AKR1E2: variants seen among roughly 807,000 people sequenced by gnomAD.
AKR1E2 encodes the protein 1,5-anhydro-D-fructose reductase.
A neutral mutation model predicts 41.9 loss-of-function variants in AKR1E2; 43 were observed. That is an observed-to-expected ratio of 1.03 (90% CI 0.80 to 1.32). The LOEUF (loss-of-function observed/expected upper bound fraction) is 1.32, where lower values mean the gene tolerates loss of function less well. AKR1E2 is among the 40% of genes most tolerant of loss of function. The pLI is 0.00. For synonymous variants in AKR1E2, 121 were observed against 138.9 expected, an observed-to-expected ratio of 0.87 and a Z score of 0.91; for missense variants, 423 against 396.5, an observed-to-expected ratio of 1.07 and a Z score of -0.57.
intron 8 of AKR1E2, chr10:4,845,867 C>G (rs557984890): frequency 8.5e-6 from 4 of 470,378 alleles, no homozygotes; most frequent in African/African-American, 4.0e-5. Flanking sequence ...CCGAAGTGAT[C>G]TGATGGCTGA....
intron 8 of AKR1E2, among the ~76,000 whole-genome samples, chr10:4,842,823 G>A (rs911225548): frequency 3.3e-5 from 5 of 152,186 alleles, no homozygotes; most frequent in Admixed American, 6.5e-5. Flanking sequence ...GGCTGCGCTC[G>A]CCCACAGGGG....
intron 1 of AKR1E2, among the ~76,000 whole-genome samples, chr10:4,828,062 A>G (rs1368252847): frequency 1.3e-5 from 2 of 152,186 alleles, no homozygotes; most frequent in Admixed American, 1.3e-4. Context: ...TCTATTTTTA[A>G]TAGTGAATAA....
intron 4 of AKR1E2, among the ~76,000 whole-genome samples, chr10:4,836,605 C>T (rs1833445590): frequency 6.6e-6 from 1 of 152,146 alleles, no homozygotes; most frequent in Non-Finnish European, 1.5e-5. Flanking sequence ...CCAGAGGGAA[C>T]CCTCGGACAG....
At position 4,847,013 on chromosome 10, in the gene AKR1E2, C is replaced by G. The variant is rs1003493897; in HGVS notation, c.838-135C>G. 7.4e-5 allele frequency: 69 copies of G among 929,958 alleles called. No homozygotes were observed. In the East Asian group the frequency reaches 9.4e-4, roughly 13 times the overall value. 57.6% of individuals were successfully genotyped at this position (929,958 alleles called of 1,614,324 possible). A position where few individuals can be genotyped will look rare whatever the true frequency, so the allele number is the denominator to read the frequency against. ...ATCCAGGCTGTGATTCAGGGAAGTTCCAAGTGTCTGATGAAGTGTTTGTTT... is the reference window on the plus strand; with the variant it reads ...ATCCAGGCTGTGATTCAGGGAAGTTGCAAGTGTCTGATGAAGTGTTTGTTT... On this transcript the variant is annotated intron_variant, in intron 8 of 9. Coordinates refer to ENST00000298375, the MANE Select transcript of AKR1E2 (RefSeq NM_001040177.3).
chr10:4,868,715 A>G, the AKR1E2 span, among the ~76,000 whole-genome samples: 1 of 152,198 alleles, frequency 6.6e-6, no homozygotes, highest in African/African-American at 2.4e-5. Context: ...GTTATCCTGT[A>G]GTCCTATTTT....
At chr10:4,846,102 A>C in intron 8 of AKR1E2, 2 of 308,198 alleles carry the variant, frequency 6.5e-6, no homozygotes, top group Non-Finnish European at 1.3e-5. Context: ...TTCCCCTTAA[A>C]CCCAAGAATC....
At chr10:4,860,036 A>G in the AKR1E2 span, among the ~76,000 whole-genome samples, 3 of 152,142 alleles carry the variant, frequency 2.0e-5, no homozygotes, top group Non-Finnish European at 2.9e-5. Context: ...GTGTCTGTCT[A>G]TCTATTGTCA....
chr10:4,836,787 C>T (rs1436475090), intron 4 of AKR1E2, among the ~76,000 whole-genome samples: 5 of 152,134 alleles, frequency 3.3e-5, no homozygotes, highest in Admixed American at 6.5e-5. Flanking sequence ...AGCGAGGTTC[C>T]GGTGATTGTT....
downstream of AKR1E2, among the ~76,000 whole-genome samples, chr10:4,849,758 G>A (rs573432559): frequency 2.0e-5 from 3 of 152,298 alleles, no homozygotes; most frequent in South Asian, 6.2e-4. Context: ...GGCCAATGAG[G>A]ATCCACTACG....
chr10:4,864,387 A>G, the AKR1E2 span, among the ~76,000 whole-genome samples: 10 of 152,172 alleles, frequency 6.6e-5, no homozygotes, highest in African/African-American at 2.4e-4. Flanking sequence ...AGATGCAGAA[A>G]AGGCCTTTGA....
At chr10:4,850,616 C>CTGTTGT (rs1014001337), downstream of AKR1E2, among the ~76,000 whole-genome samples, 1 of 152,192 alleles carries the variant, frequency 6.6e-6, no homozygotes, top group Non-Finnish European at 1.5e-5. Flanking sequence ...TGGTCTGCCC[C>CTGTTGT]TGTTGTTGTT....
upstream of AKR1E2, among the ~76,000 whole-genome samples, chr10:4,825,446 T>C (rs1033935992): frequency 1.3e-5 from 2 of 151,996 alleles, no homozygotes; most frequent in African/African-American, 4.8e-5. Context: ...AGTCCACTCA[T>C]AAGGGGGGTG....
At chr10:4,865,747 T>A in the AKR1E2 span, among the ~76,000 whole-genome samples, 29 of 152,178 alleles carry the variant, frequency 1.9e-4, 1 homozygote, top group African/African-American at 6.3e-4. Flanking sequence ...TCAAAATCTT[T>A]AAAAATGTGC....
At chr10:4,836,666 C>T (rs578151465) in intron 4 of AKR1E2, among the ~76,000 whole-genome samples, 1 of 152,314 alleles carries the variant, frequency 6.6e-6, no homozygotes, top group Non-Finnish European at 1.5e-5. Flanking sequence ...AAAGACTGAC[C>T]TAAGGTATCT....
At chr10:4,861,833 C>A in the AKR1E2 span, among the ~76,000 whole-genome samples, 1 of 151,970 alleles carries the variant, frequency 6.6e-6, no homozygotes. Context: ...GATATTAGCC[C>A]TTTGTCAGAT....
Position 4,830,826 on chromosome 10 carries a change from T to A in AKR1E2, c.191T>A (p.Leu64Gln). Residue 64 changes from leucine (L) to glutamine (Q), a missense_variant, in exon 2 of 10, where the codon CTG becomes CAG. Leu to Gln is a moderately radical substitution (Grantham distance 113, BLOSUM62 -2). Coordinates refer to ENST00000298375, the MANE Select transcript of AKR1E2 (RefSeq NM_001040177.3). Reference sequence around the variant, plus strand: ...GAAGGCGCTGTAAGACGGGAGGATCTGTTCATTGCCACTAAGGTAGGGCTT... The same window carrying A: ...GAAGGCGCTGTAAGACGGGAGGATCAGTTCATTGCCACTAAGGTAGGGCTT... Reference protein sequence around the residue: ...IKEGAVRREDLFIATKLWCTC... With the variant: ...IKEGAVRREDQFIATKLWCTC... 1.9e-6 allele frequency: 3 copies of A among 1,614,168 alleles called. 1 individual carries two copies. Among genetic ancestry groups the A allele is most frequent in the Non-Finnish European group, 2.5e-6 (3 of 1,179,998 alleles).
Position 4,833,381 on chromosome 10 carries a change from T to C in AKR1E2, c.239T>C (p.Val80Ala). The C allele has an allele frequency of 1.2e-6, 2 of 1,614,192 alleles. No homozygotes were observed. Among genetic ancestry groups the C allele is most frequent in the East Asian group, 2.2e-5 (1 of 44,874 alleles). Reference sequence around the variant, plus strand: ...TGCACCTGCCATAAGAAGTCCTTGGTGGAAACAGCATGCAGAAAGAGTCTC... The same window carrying C: ...TGCACCTGCCATAAGAAGTCCTTGGCGGAAACAGCATGCAGAAAGAGTCTC... ...LWCTCHKKSL[V>A]ETACRKSLKA... is the part of the protein sequence containing the mutation. The change falls in exon 3 of 10, where the codon GTG (valine) becomes GCG (alanine). Residue 80 changes from valine (V) to alanine (A), a missense_variant. Val to Ala is a moderately conservative substitution (Grantham distance 64). Coordinates refer to ENST00000298375, the MANE Select transcript of AKR1E2 (RefSeq NM_001040177.3).
chr10:4,830,258 ACTT>A (rs1349962315), intron 1 of AKR1E2, among the ~76,000 whole-genome samples: 1 of 152,024 alleles, frequency 6.6e-6, no homozygotes, highest in Non-Finnish European at 1.5e-5. Context: ...TTTGTTATAT[ACTT>A]CTTTTTGTAT....
upstream of AKR1E2, chr10:4,826,125 C>G (rs2131472264): frequency 2.4e-6 from 1 of 412,842 alleles, no homozygotes; most frequent in East Asian, 3.6e-5. Context: ...TACAACCAGC[C>G]AGTCAGTGCC....
Sources: gnomAD v4.1 joint callset for allele counts (sites outside exome capture counted in the v4.1 genomes callset) on GRCh38, gnomAD v4.1.1 for gene constraint, MANE v1.5 for transcripts, NCBI Gene and HGNC (gene_info 2026-07-23, HGNC 2026-07-21) for gene names.